Variants in SLFN11 observed in about 807,000 individuals in gnomAD.
SLFN11 encodes schlafen family member 11.
In SLFN11, 43 loss-of-function variants were observed where a neutral mutation model predicts 53.4. The observed-to-expected ratio is 0.80, with a 90% CI of 0.63 to 1.04. The LOEUF (loss-of-function observed/expected upper bound fraction) is 1.04. SLFN11 is among the 50% of genes least tolerant of loss of function. The pLI is 0.00. For missense variants in SLFN11, 990 were observed against 1,079.1 expected (o/e 0.92, Z 1.16); for synonymous variants, 389 against 394.7 (o/e 0.99, Z 0.17).
rs1323598406 is a variant in SLFN11, at chr17:35,350,545, C to G, written c.*1811G>C. The G allele has an allele frequency of 1.3e-5, 2 of 152,172 alleles. No homozygotes were observed. Among genetic ancestry groups the G allele is most frequent in the East Asian group, 3.8e-4 (2 of 5,200 alleles). 9.4% of individuals were successfully genotyped at this position (152,172 alleles called of 1,614,324 possible). ...AATTAGACTTTTAAAGAATTACTCTCAAAGACATTGCAACAACTCCAAAGT... is the reference window on the plus strand; with the variant it reads ...AATTAGACTTTTAAAGAATTACTCTGAAAGACATTGCAACAACTCCAAAGT... On this transcript the variant is annotated 3_prime_UTR_variant, in exon 7 of 7. Coordinates refer to ENST00000685675, the MANE Select transcript of SLFN11 (RefSeq NM_001376007.1).
chr17:35,353,572 C>T lies in SLFN11; in HGVS notation c.1686G>A (p.Arg562=), dbSNP rs1597698580. 1.6e-6 allele frequency: 2 copies of T among 1,257,868 alleles called. No homozygotes were observed. The highest frequency in any genetic ancestry group is 2.9e-5 in the Admixed American group (1 of 34,276). 77.9% of individuals were successfully genotyped at this position (1,257,868 alleles called of 1,614,324 possible). A position where few individuals can be genotyped will look rare whatever the true frequency, so the allele number is the denominator to read the frequency against. The stretch of plus-strand genomic sequence containing the variant: ...AGCCGAGCTGGTCACTCAAGAGAGA[C>T]CTGAAGCCGAGTAAGACAATCACGA... ...QSLVIVLLGF[R]SLLSDQLGCE... The change falls in exon 6 of 7, where the codon AGG becomes AGA. Residue 562 remains arginine (R), a synonymous_variant. Coordinates refer to ENST00000685675, the MANE Select transcript of SLFN11 (RefSeq NM_001376007.1).
At chr17:35,359,572 GGGA>G (rs1161890923) in intron 5 of SLFN11, among the ~76,000 whole-genome samples, 4 of 152,272 alleles carry the variant, frequency 2.6e-5, no homozygotes, top group African/African-American at 9.6e-5. Flanking sequence ...ATGGGAACAA[GGGA>G]TAAGAGTAGA....
rs771227424 is a variant in SLFN11, at chr17:35,353,066, C to T, written c.1996G>A (p.Val666Ile). ...RENFEHIQHIVIDEAQNFRTE... is the reference protein window; with the variant it reads ...RENFEHIQHIIIDEAQNFRTE... Reference sequence around the variant, plus strand: ...CGGAAATTCTGAGCTTCGTCAATGACGATGTGTTGAATGTGTTCAAAGTTT... The same window carrying T: ...CGGAAATTCTGAGCTTCGTCAATGATGATGTGTTGAATGTGTTCAAAGTTT... Residue 666 changes from valine to isoleucine, a missense_variant, in exon 7 of 7, where the codon GTC (valine) becomes ATC (isoleucine). By Grantham distance (29) the Val-to-Ile change is conservative. Around this residue, in one of 3 missense-constraint regions of SLFN11, gnomAD observed 313 missense variants for 320.9 expected, o/e 0.98. Coordinates refer to ENST00000685675, the MANE Select transcript of SLFN11 (RefSeq NM_001376007.1). The T allele has an allele frequency of 2.0e-5, 33 of 1,613,994 alleles. No homozygotes were observed. Among genetic ancestry groups the T allele is most frequent in the Middle Eastern group, 3.3e-4 (2 of 6,082 alleles).
chr17:35,360,470 A>C (rs1192293650), intron 4 of SLFN11, 99 bp from the exon 5 acceptor site: 19 of 1,123,464 alleles, frequency 1.7e-5, no homozygotes, highest in Non-Finnish European at 2.1e-5. Context: ...AAATAGTTTG[A>C]CTTGAGAGAT....
chr17:35,353,286 A>T, intron 6 of SLFN11, 50 bp downstream of exon 6: 1 of 1,611,894 alleles, frequency 6.2e-7, no homozygotes, highest in Non-Finnish European at 8.5e-7. Flanking sequence ...AGCAGAAAAA[A>T]TTAAACCCAG....
chr17:35,373,224 ACAGGT>A (rs201554722), intron 1 of SLFN11, among the ~76,000 whole-genome samples: 2,638 of 151,552 alleles, frequency 0.017, 31 homozygotes, highest in Non-Finnish European at 0.025. Flanking sequence ...GAGCAGGTGC[ACAGGT>A]CAGGCCCGCC....
intron 1 of SLFN11, among the ~76,000 whole-genome samples, chr17:35,369,141 C>T (rs546180921): frequency 2.0e-5 from 3 of 151,978 alleles, no homozygotes; most frequent in East Asian, 1.9e-4. Flanking sequence ...TGTCTTGCAC[C>T]GTAGGTACCA....
rs1269872090 is a variant in SLFN11, at chr17:35,352,835, T to C, written c.2227A>G (p.Lys743Glu). 6.2e-7 allele frequency: 1 copy of C among 1,614,114 alleles called. No homozygotes were observed. The highest frequency in any genetic ancestry group is 1.3e-5 in the African/African-American group (1 of 74,936). ...NADPIAKYLQ[K>E]EMQVIRSNPS... The stretch of plus-strand genomic sequence containing the variant: ...TTACTTCTAATTACTTGCATTTCTT[T>C]TTGTAAGTACTTGGCTATTGGATCT... The change falls in exon 7 of 7, where the codon AAA (lysine) becomes GAA (glutamate). Residue 743 changes from lysine to glutamate, a missense_variant. Physicochemically the swap from Lys to Glu is moderately conservative, Grantham distance 56 (BLOSUM62 1). This residue lies in a region of SLFN11 where 313 missense variants were observed against 320.9 expected (regional missense o/e 0.98). Coordinates refer to ENST00000685675, the MANE Select transcript of SLFN11 (RefSeq NM_001376007.1).
chr17:35,360,874 G>T (rs561849119), intron 4 of SLFN11, among the ~76,000 whole-genome samples: 1 of 152,116 alleles, frequency 6.6e-6, no homozygotes, highest in African/African-American at 2.4e-5. Context: ...AGAGACTGAA[G>T]TGAGAGGATC....
intron 1 of SLFN11, among the ~76,000 whole-genome samples, chr17:35,368,824 A>G (rs1909286782): frequency 1.3e-5 from 2 of 152,038 alleles, no homozygotes; most frequent in African/African-American, 2.4e-5. Flanking sequence ...AGGATAGCAC[A>G]TTGGTCAGGG....
chr17:35,359,083 T>C (rs1907874188), intron 5 of SLFN11, among the ~76,000 whole-genome samples: 1 of 152,146 alleles, frequency 6.6e-6, no homozygotes, highest in Admixed American at 6.5e-5. Context: ...GTAAATAGTG[T>C]AAAAAATGCC....
chr17:35,369,559 C>T (rs982633840), intron 1 of SLFN11, among the ~76,000 whole-genome samples: 2 of 152,076 alleles, frequency 1.3e-5, no homozygotes, highest in African/African-American at 4.8e-5. Context: ...GAAAAGAACA[C>T]AGCTTGGCTG....
chr17:35,352,551 C>G lies in SLFN11; in HGVS notation c.2511G>C (p.Gln837His). 6 of 1,614,194 alleles carry G rather than the reference C, an allele frequency of 3.7e-6. No homozygotes were observed. Among genetic ancestry groups the G allele is most frequent in the Non-Finnish European group, 5.1e-6 (6 of 1,180,040 alleles). ...CCAACATATCACATGCATCACTGAGCTGCACCACCCTTTTCTTCCTCATTG... is the reference window on the plus strand; with the variant it reads ...CCAACATATCACATGCATCACTGAGGTGCACCACCCTTTTCTTCCTCATTG... ...LKAMRKKRVV[Q>H]LSDACDMLGD... The change falls in exon 7 of 7, where the codon CAG (glutamine) becomes CAC (histidine). Residue 837 changes from glutamine to histidine, a missense_variant. Transcript: ENST00000685675.
rs989211237 is a variant in SLFN11 at position 35,351,194 on chromosome 17, C to G, written c.*1162G>C. The stretch of plus-strand genomic sequence containing the variant: ...TAGGTGGCTGCCATCTCTCTGTGTG[C>G]TCCCATGCCCTCTTGTTTGCATGCA... On this transcript the variant is annotated 3_prime_UTR_variant, in exon 7 of 7. Coordinates refer to ENST00000685675, the MANE Select transcript of SLFN11 (RefSeq NM_001376007.1). 1.1e-4 allele frequency: 16 copies of G among 152,290 alleles called. No homozygotes were observed. Among genetic ancestry groups the G allele is most frequent in the African/African-American group, 3.9e-4 (16 of 41,454 alleles). The allele number at this position is 152,290 out of a possible 1,614,324, so 9.4% of individuals were successfully genotyped here. A position where few individuals can be genotyped will look rare whatever the true frequency, so the allele number is the denominator to read the frequency against.
intron 5 of SLFN11, among the ~76,000 whole-genome samples, chr17:35,356,456 C>T (rs970219600): frequency 6.6e-6 from 1 of 152,096 alleles, no homozygotes; most frequent in Non-Finnish European, 1.5e-5. Flanking sequence ...ACCCTTCTCC[C>T]TTATCACAGA....
chr17:35,371,854 C>A (rs1194519497), intron 1 of SLFN11, among the ~76,000 whole-genome samples: 1 of 151,960 alleles, frequency 6.6e-6, no homozygotes, highest in Non-Finnish European at 1.5e-5. Flanking sequence ...AAAAGGGAAC[C>A]CTCAAACAGT....
At chr17:35,360,403 T>G (rs200170717) in intron 4 of SLFN11, 32 bp from the exon 5 acceptor site, 1 of 1,579,606 alleles carries the variant, frequency 6.3e-7, no homozygotes, top group Admixed American at 1.9e-5. Context: ...TATTCTGACG[T>G]GTTAATCTCT....
Position 35,352,938 on chromosome 17 carries a change from G to A in SLFN11, c.2124C>T (p.Ser708=), listed in dbSNP as rs751113969. ...GAGGGAGGCCACTGCAATCCAAGTG[G>A]CTGGTCTGAAAGTAATCCAGAAAGA... The part of the protein sequence containing the change: ...LWIFLDYFQT[S]HLDCSGLPPL... Residue 708 remains serine (S), a synonymous_variant, in exon 7 of 7, where the codon AGC becomes AGT. Transcript: ENST00000685675. 6.2e-7 allele frequency: 1 copy of A among 1,614,180 alleles called. No individual in the cohort carries two copies. Among genetic ancestry groups the A allele is most frequent in the Non-Finnish European group, 8.5e-7 (1 of 1,180,032 alleles).
chr17:35,369,953 C>T (rs1909443454), intron 1 of SLFN11, among the ~76,000 whole-genome samples: 1 of 152,072 alleles, frequency 6.6e-6, no homozygotes, highest in African/African-American at 2.4e-5. Context: ...GAACTAATAT[C>T]AATCTTACCC....
Sources: allele counts gnomAD v4.1 joint callset (sites outside exome capture counted in the v4.1 genomes callset), GRCh38; gene constraint gnomAD v4.1.1; regional missense constraint gnomAD v4.1.1; transcripts MANE v1.5; gene names NCBI Gene and HGNC (gene_info 2026-07-23, HGNC 2026-07-21).